LINGO2: variants seen among roughly 807,000 people sequenced by gnomAD.
The protein encoded by LINGO2 is leucine-rich repeat and immunoglobulin-like domain-containing nogo receptor-interacting protein 2.
In LINGO2, 14 loss-of-function variants were observed where a neutral mutation model predicts 30.6. That is an observed-to-expected ratio of 0.46 (90% CI 0.30 to 0.72). LINGO2 has a LOEUF of 0.72. LINGO2 is among the 30% of genes least tolerant of loss of function. The probability of loss-of-function intolerance (pLI) is 0.07; values close to 1 mark genes in which losing one functional copy is unlikely to be tolerated. For synonymous variants in LINGO2, 317 were observed against 288.5 expected, an observed-to-expected ratio of 1.10 and a Z score of -1.00; for missense variants, 729 against 751.7, an observed-to-expected ratio of 0.97 and a Z score of 0.35.
intron 3 of LINGO2, among the ~76,000 whole-genome samples, chr9:28,354,360 A>G (rs1820069111): frequency 6.6e-6 from 1 of 152,198 alleles, no homozygotes; most frequent in South Asian, 2.1e-4. Flanking sequence ...CTTCAGAAAT[A>G]TAAAGCAAAT....
At chr9:28,305,570 A>G (rs1824314527) in intron 3 of LINGO2, among the ~76,000 whole-genome samples, 1 of 152,094 alleles carries the variant, frequency 6.6e-6, no homozygotes, top group South Asian at 2.1e-4. Context: ...ATAGTCTAGC[A>G]ACAAAACATT....
the LINGO2 span, among the ~76,000 whole-genome samples, chr9:28,686,270 T>C: frequency 2.6e-5 from 4 of 152,148 alleles, no homozygotes; most frequent in African/African-American, 9.6e-5. Context: ...GACCAGATGA[T>C]TTTGTAAGGG....
chr9:28,709,253 G>A, the LINGO2 span, among the ~76,000 whole-genome samples: 29 of 151,806 alleles, frequency 1.9e-4, no homozygotes, highest in African/African-American at 5.6e-4. Context: ...CTCATACTAT[G>A]TCAGTTAAAG....
the LINGO2 span, among the ~76,000 whole-genome samples, chr9:29,079,910 T>C: frequency 5.3e-5 from 8 of 152,120 alleles, no homozygotes; most frequent in South Asian, 2.1e-4. Flanking sequence ...TGACAACCAT[T>C]GTAATAAACA....
At chr9:28,723,232 T>G in the LINGO2 span, among the ~76,000 whole-genome samples, 4 of 152,152 alleles carry the variant, frequency 2.6e-5, no homozygotes, top group African/African-American at 4.8e-5. Context: ...TAATATGCTC[T>G]CAGGTGACGT....
At chr9:27,942,992 A>C in the LINGO2 span, 1 of 152,204 alleles carries the variant, frequency 6.6e-6, no homozygotes, top group African/African-American at 2.4e-5. Flanking sequence ...AAGTTTGTTC[A>C]TGCCAATTCC....
At chr9:29,018,305 G>A in the LINGO2 span, among the ~76,000 whole-genome samples, 1 of 151,566 alleles carries the variant, frequency 6.6e-6, no homozygotes, top group African/African-American at 2.4e-5. Flanking sequence ...ATGACTAGCT[G>A]GGGGAGGGAG....
the LINGO2 span, among the ~76,000 whole-genome samples, chr9:28,675,886 A>G: frequency 1.5e-5 from 2 of 137,902 alleles, no homozygotes; most frequent in Admixed American, 7.6e-5. Context: ...AAAAGAAAAA[A>G]AAATGTGTGT....
chr9:28,186,260 G>A (rs1025873641), intron 4 of LINGO2, among the ~76,000 whole-genome samples: 6 of 152,140 alleles, frequency 3.9e-5, no homozygotes, highest in African/African-American at 1.4e-4. Context: ...CATATTGCAT[G>A]TAGGAAAATT....
chr9:28,271,580 T>C (rs1822942009), intron 4 of LINGO2, among the ~76,000 whole-genome samples: 1 of 152,186 alleles, frequency 6.6e-6, no homozygotes, highest in South Asian at 2.1e-4. Flanking sequence ...TTTAAGTAGC[T>C]TCTACCATTT....
At chr9:28,368,683 C>T (rs936318482) in intron 3 of LINGO2, among the ~76,000 whole-genome samples, 7 of 151,618 alleles carry the variant, frequency 4.6e-5, no homozygotes, top group Middle Eastern at 3.4e-3. Context: ...TGCAAGCTCC[C>T]CCTCCCGAGT....
intron 2 of LINGO2, among the ~76,000 whole-genome samples, chr9:28,433,935 C>A (rs1823791332): frequency 5.9e-5 from 3 of 50,866 alleles, no homozygotes; most frequent in Admixed American, 5.7e-4. Context: ...CTCTCTCTCT[C>A]TCTCTCTCTC....
the LINGO2 span, among the ~76,000 whole-genome samples, chr9:28,848,135 G>C: frequency 1.6e-4 from 12 of 77,372 alleles, 2 homozygotes; most frequent in African/African-American, 5.1e-4. Flanking sequence ...ACTATATATA[G>C]CATATATATA....
intron 1 of LINGO2, among the ~76,000 whole-genome samples, chr9:28,640,492 C>A (rs558030613): frequency 6.7e-6 from 1 of 149,898 alleles, no homozygotes; most frequent in African/African-American, 2.5e-5. Context: ...TCACACAGTC[C>A]CATATTTCTT....
At position 28,235,865 on chromosome 9, in the gene LINGO2, T is replaced by C. The variant is rs185399022; in HGVS notation, c.-87+59343A>G. ...TCTCAAAGGGCAAATGTAAGAGTTA[T>C]TGACCGTAAGGAGGAGATAGAGAAA... On this transcript the variant is annotated intron_variant, in intron 4 of 5. Transcript: ENST00000379992. 1.8e-3 allele frequency among the ~76,000 whole-genome samples: 276 copies of C among 152,256 alleles called. 1 individual carries two copies. Among genetic ancestry groups the C allele is most frequent in the African/African-American group, 6.3e-3 (262 of 41,542 alleles).
At chr9:28,662,255 G>C (rs1245789939) in intron 1 of LINGO2, among the ~76,000 whole-genome samples, 2 of 152,158 alleles carry the variant, frequency 1.3e-5, no homozygotes, top group African/African-American at 4.8e-5. Flanking sequence ...GTTTACCAGA[G>C]GCCTGCTGAG....
At chr9:28,373,269 G>T (rs891332029) in intron 2 of LINGO2, among the ~76,000 whole-genome samples, 1 of 152,066 alleles carries the variant, frequency 6.6e-6, no homozygotes, top group African/African-American at 2.4e-5. Flanking sequence ...TTATTTTAAG[G>T]TGCTATTACA....
intron 4 of LINGO2, among the ~76,000 whole-genome samples, chr9:28,205,380 G>A (rs184669070): frequency 2.0e-5 from 3 of 151,932 alleles, no homozygotes; most frequent in Non-Finnish European, 2.9e-5. Flanking sequence ...TAACTCAAAC[G>A]TCACATTCCC....
the LINGO2 span, among the ~76,000 whole-genome samples, chr9:28,956,590 CTTT>C: frequency 1.8e-5 from 2 of 112,686 alleles, no homozygotes; most frequent in African/African-American, 6.8e-5. Context: ...CTCCCTCCCC[CTTT>C]CCTTCCTCCC....
Sources: gnomAD v4.1 joint callset for allele counts (sites outside exome capture counted in the v4.1 genomes callset) on GRCh38, gnomAD v4.1.1 for gene constraint, MANE v1.5 for transcripts, NCBI Gene and HGNC (gene_info 2026-07-23, HGNC 2026-07-21) for gene names.